The following AGMO variants were observed in gnomAD, a reference collection of about 807,000 sequenced individuals.
AGMO encodes alkylglycerol monooxygenase, also known as glyceryl-ether monooxygenase.
A neutral mutation model predicts 60.2 loss-of-function variants in AGMO; 75 were observed. The ratio of observed to expected loss-of-function variants is 1.25; its 90% CI spans 1.03 to 1.51. The LOEUF is 1.51. Ranked by LOEUF, AGMO falls within the 40% of genes most tolerant of loss-of-function variation. The pLI, the probability that AGMO is intolerant of heterozygous loss-of-function variation, is 0.00. For missense variants in AGMO, 763 were observed against 525.5 expected (o/e 1.45, Z -4.42); for synonymous variants, 261 against 177.1 (o/e 1.47, Z -3.76).
intron 3 of AGMO, among the ~76,000 whole-genome samples, chr7:15,450,724 G>A (rs1781835610): frequency 6.6e-6 from 1 of 152,030 alleles, no homozygotes; most frequent in African/African-American, 2.4e-5. Context: ...CAAATAATGT[G>A]CCCACAGAAA....
intron 12 of AGMO, among the ~76,000 whole-genome samples, chr7:15,332,657 T>A (rs1781534607): frequency 6.6e-6 from 1 of 151,994 alleles, no homozygotes; most frequent in Non-Finnish European, 1.5e-5. Context: ...TAAGAATAAT[T>A]AATATGAAAT....
the AGMO span, among the ~76,000 whole-genome samples, chr7:15,129,016 G>A: frequency 6.6e-6 from 1 of 152,090 alleles, no homozygotes; most frequent in Admixed American, 6.6e-5. Context: ...TTGAATGCGG[G>A]TGGTGGTGGG....
chr7:15,531,227 CTA>C (rs1340701862), intron 3 of AGMO, among the ~76,000 whole-genome samples: 98 of 69,240 alleles, frequency 1.4e-3, no homozygotes, highest in Non-Finnish European at 2.2e-3. Flanking sequence ...TATATATATT[CTA>C]TATATATATT....
chr7:15,523,891 G>A (rs1019473851), intron 3 of AGMO, among the ~76,000 whole-genome samples: 11 of 152,110 alleles, frequency 7.2e-5, no homozygotes, highest in African/African-American at 2.7e-4. Context: ...TTACTAAATG[G>A]TTAACTACAT....
chr7:15,191,443 T>C, the AGMO span, among the ~76,000 whole-genome samples: 1 of 152,092 alleles, frequency 6.6e-6, no homozygotes, highest in Admixed American at 6.6e-5. Context: ...GCCTTGGGAG[T>C]AACAGGTGTT....
At chr7:15,179,401 C>T in the AGMO span, among the ~76,000 whole-genome samples, 13 of 152,262 alleles carry the variant, frequency 8.5e-5, no homozygotes, top group South Asian at 1.7e-3. Flanking sequence ...ATAGAATAGA[C>T]ATTCCCATTC....
intron 12 of AGMO, among the ~76,000 whole-genome samples, chr7:15,333,430 G>C (rs908800555): frequency 7.9e-5 from 12 of 151,840 alleles, no homozygotes; most frequent in African/African-American, 2.4e-4. Flanking sequence ...CAAACACCTT[G>C]ATGATTATTT....
At chr7:15,350,215 T>C (rs1046837604) in intron 12 of AGMO, among the ~76,000 whole-genome samples, 8 of 152,164 alleles carry the variant, frequency 5.3e-5, no homozygotes, top group East Asian at 1.9e-4. Flanking sequence ...GATAGTGTCA[T>C]AGACAAACAC....
intron 3 of AGMO, among the ~76,000 whole-genome samples, chr7:15,520,483 A>G (rs1279323327): frequency 2.0e-5 from 3 of 152,224 alleles, no homozygotes; most frequent in Non-Finnish European, 2.9e-5. Flanking sequence ...AAGAATGGAA[A>G]TCATAACAAA....
At chr7:15,368,318 G>A (rs1286391264) in intron 10 of AGMO, among the ~76,000 whole-genome samples, 1 of 150,814 alleles carries the variant, frequency 6.6e-6, no homozygotes, top group African/African-American at 2.4e-5. Flanking sequence ...TTTCCTGGTG[G>A]TAGAAGTAAC....
At chr7:15,406,736 CATAT>C (rs1271441472) in intron 5 of AGMO, among the ~76,000 whole-genome samples, 2 of 71,600 alleles carry the variant, frequency 2.8e-5, no homozygotes, top group African/African-American at 5.9e-5. Flanking sequence ...TACACACATA[CATAT>C]GAATATACAT....
chr7:15,169,062 G>T, the AGMO span, among the ~76,000 whole-genome samples: 14 of 152,308 alleles, frequency 9.2e-5, no homozygotes, highest in East Asian at 2.7e-3. Flanking sequence ...ATAACCAGAT[G>T]AGCATTGGTT....
intron 3 of AGMO, among the ~76,000 whole-genome samples, chr7:15,485,482 C>G (rs1782893266): frequency 6.6e-6 from 1 of 152,142 alleles, no homozygotes; most frequent in African/African-American, 2.4e-5. Flanking sequence ...AAGCTTTTAG[C>G]AGACTTAATC....
intron 12 of AGMO, among the ~76,000 whole-genome samples, chr7:15,337,922 A>G (rs1365344964): frequency 6.6e-6 from 1 of 152,212 alleles, no homozygotes; most frequent in Non-Finnish European, 1.5e-5. Flanking sequence ...TTAGCTGAGG[A>G]AAGCGATGAA....
At chr7:15,178,016 C>T in the AGMO span, among the ~76,000 whole-genome samples, 7 of 151,966 alleles carry the variant, frequency 4.6e-5, no homozygotes, top group Admixed American at 2.0e-4. Context: ...TTATATTGTT[C>T]GTTTTATGTA....
intron 3 of AGMO, among the ~76,000 whole-genome samples, chr7:15,542,839 G>T (rs978995523): frequency 6.6e-6 from 1 of 152,142 alleles, no homozygotes; most frequent in Admixed American, 6.5e-5. Context: ...AGGTTATCAC[G>T]CACAAACTTA....
chr7:15,193,259 CTTA>C, the AGMO span, among the ~76,000 whole-genome samples: 33 of 149,262 alleles, frequency 2.2e-4, no homozygotes, highest in African/African-American at 3.2e-4. Flanking sequence ...TAATTTTTCT[CTTA>C]TTAAGTGATA....
At chr7:15,175,738 T>C in the AGMO span, among the ~76,000 whole-genome samples, 1 of 151,918 alleles carries the variant, frequency 6.6e-6, no homozygotes, top group African/African-American at 2.4e-5. Flanking sequence ...TTCACTGTTA[T>C]ATAACTTTAA....
At chr7:15,530,470 C>A (rs1281849921) in intron 3 of AGMO, among the ~76,000 whole-genome samples, 2 of 102,276 alleles carry the variant, frequency 2.0e-5, no homozygotes, top group Non-Finnish European at 3.8e-5. Context: ...TATATATATT[C>A]TATATACGTA....
Sources: gnomAD v4.1 joint callset for allele counts (sites outside exome capture counted in the v4.1 genomes callset) on GRCh38, gnomAD v4.1.1 for gene constraint, MANE v1.5 for transcripts, NCBI Gene and HGNC (gene_info 2026-07-23, HGNC 2026-07-21) for gene names.